Variants in CLPTM1L observed in about 807,000 individuals in gnomAD.
CLPTM1L encodes CLPTM1 like.
In CLPTM1L, 38 loss-of-function variants were observed where a neutral mutation model predicts 70.9. That is an observed-to-expected ratio of 0.54 (90% CI 0.41 to 0.70). The LOEUF (loss-of-function observed/expected upper bound fraction) is 0.70, where lower values mean the gene tolerates loss of function less well. Ranked by LOEUF, CLPTM1L falls within the 30% of genes least tolerant of loss-of-function variation. The pLI is 0.00. For missense variants in CLPTM1L, 652 were observed against 705.9 expected (o/e 0.92, Z 0.87); for synonymous variants, 339 against 299.9 (o/e 1.13, Z -1.35).
chr5:1,344,669 C>T lies in CLPTM1L; in HGVS notation c.162+11G>A. On this transcript the variant is annotated intron_variant, in intron 1 of 16. Transcript: ENST00000320895. Reference sequence around the variant, plus strand: ...CCAACCCGCCCGGCCCCCGGCCCCGCGGACGCTCACCTGCAGCTTGGGCCG... The same window carrying T: ...CCAACCCGCCCGGCCCCCGGCCCCGTGGACGCTCACCTGCAGCTTGGGCCG... 1 of 1,548,414 alleles carries T rather than the reference C, an allele frequency of 6.5e-7. No individual in the cohort carries two copies. Among genetic ancestry groups the T allele is most frequent in the Non-Finnish European group, 8.7e-7 (1 of 1,146,484 alleles).
chr5:1,331,478 A>T (rs1753084732), intron 8 of CLPTM1L: 2 of 428,312 alleles, frequency 4.7e-6, no homozygotes, highest in Non-Finnish European at 8.5e-6. Flanking sequence ...GCCCATGAGC[A>T]GCCGGGAAGG....
At chr5:1,330,404 C>G (rs1480079834) in intron 8 of CLPTM1L, 21 bp from the exon 9 acceptor site, 1 of 1,606,028 alleles carries the variant, frequency 6.2e-7, no homozygotes, top group African/African-American at 1.3e-5. Context: ...GATGGTCGGG[C>G]TGGGAGGGGG....
At chr5:1,334,526 G>A (rs1753431478) in intron 6 of CLPTM1L, 143 bp from the exon 7 acceptor site, 4 of 606,418 alleles carry the variant, frequency 6.6e-6, no homozygotes, top group Non-Finnish European at 8.7e-6. Context: ...ATCTCAGGCA[G>A]GCAGATCACT....
chr5:1,322,957 A>T (rs746677864), intron 12 of CLPTM1L, 46 bp from the exon 13 acceptor site: 25 of 1,534,438 alleles, frequency 1.6e-5, no homozygotes, highest in Admixed American at 3.3e-5. Flanking sequence ...GCATAGCTTA[A>T]TATCTGTATT....
At chr5:1,333,630 T>C (rs1753318018) in intron 7 of CLPTM1L, among the ~76,000 whole-genome samples, 8 of 113,192 alleles carry the variant, frequency 7.1e-5, no homozygotes, top group Admixed American at 2.6e-4. Context: ...ACACACCAGA[T>C]GAGGATAAGG....
chr5:1,321,233 A>AG (rs1439709624), intron 15 of CLPTM1L, among the ~76,000 whole-genome samples: 4 of 152,256 alleles, frequency 2.6e-5, no homozygotes, highest in Non-Finnish European at 5.9e-5. Flanking sequence ...CACGGAGCCA[A>AG]GGGGGCCTCC....
At chr5:1,335,869 C>T (rs1011113334) in intron 5 of CLPTM1L, among the ~76,000 whole-genome samples, 1 of 152,220 alleles carries the variant, frequency 6.6e-6, no homozygotes, top group African/African-American at 2.4e-5. Context: ...TGACCACACC[C>T]GGTGAGCACC....
chr5:1,340,681 G>A (rs1753883644), intron 3 of CLPTM1L, among the ~76,000 whole-genome samples: 1 of 152,194 alleles, frequency 6.6e-6, no homozygotes, highest in Non-Finnish European at 1.5e-5. Flanking sequence ...GCAGGAGCAG[G>A]TGTTGGTAGG....
chr5:1,320,244 A>T (rs1173812251), intron 16 of CLPTM1L: 1 of 168,062 alleles, frequency 6.0e-6, no homozygotes, highest in Non-Finnish European at 1.3e-5. Flanking sequence ...CTGGCTGGAC[A>T]CTTCGAGGCT....
Position 1,344,852 on chromosome 5 carries a change from C to T in CLPTM1L, c.-11G>A, listed in dbSNP as rs1452847463. The T allele has an allele frequency of 6.2e-6, 9 of 1,456,922 alleles. No homozygotes were observed. In the East Asian group the frequency reaches 2.7e-4, roughly 44 times the overall value. 90.2% of individuals were successfully genotyped at this position (1,456,922 alleles called of 1,614,324 possible). A position where few individuals can be genotyped will look rare whatever the true frequency, so the allele number is the denominator to read the frequency against. On this transcript the variant is annotated 5_prime_UTR_variant, in exon 1 of 17. Coordinates refer to ENST00000320895, the MANE Select transcript of CLPTM1L (RefSeq NM_030782.5). ...GCGGCCGCTCCACATGGCGGCCCCG[C>T]GCCCGGCGCCCCCGGCCCGCCCGCC...
chr5:1,319,028 A>G (rs965982827), intron 16 of CLPTM1L, among the ~76,000 whole-genome samples: 1 of 152,200 alleles, frequency 6.6e-6, no homozygotes, highest in Non-Finnish European at 1.5e-5. Flanking sequence ...TCCTGGCCAA[A>G]CACCGTTTGC....
intron 9 of CLPTM1L, among the ~76,000 whole-genome samples, chr5:1,327,090 C>T (rs561257812): frequency 3.3e-5 from 5 of 151,226 alleles, no homozygotes; most frequent in Non-Finnish European, 7.4e-5. Context: ...ACATTCCACC[C>T]AGCTCCTCCT....
chr5:1,321,112 C>A (rs912231124), intron 15 of CLPTM1L, among the ~76,000 whole-genome samples: 7 of 152,222 alleles, frequency 4.6e-5, no homozygotes, highest in Non-Finnish European at 1.0e-4. Context: ...AAGGGCAGAG[C>A]CACCTGAGCA....
intron 9 of CLPTM1L, among the ~76,000 whole-genome samples, chr5:1,327,055 T>G (rs1313709308): frequency 6.7e-6 from 1 of 149,226 alleles, no homozygotes; most frequent in Non-Finnish European, 1.5e-5. Flanking sequence ...ACAGGGACAT[T>G]CCACCCAGCT....
At chr5:1,338,740 G>A in intron 4 of CLPTM1L, 120 bp downstream of exon 4, 1 of 1,152,680 alleles carries the variant, frequency 8.7e-7, no homozygotes, top group Non-Finnish European at 1.2e-6. Context: ...GGAGGCCCGG[G>A]CAGCAAGTGC....
intron 15 of CLPTM1L, 33 bp from the exon 16 acceptor site, chr5:1,320,764 A>G: frequency 7.7e-7 from 1 of 1,296,472 alleles, no homozygotes; most frequent in South Asian, 1.3e-5. Flanking sequence ...GGTGAACCCC[A>G]GTTGCTGGGG....
intron 7 of CLPTM1L, chr5:1,332,138 GC>G: frequency 2.0e-6 from 1 of 494,202 alleles, no homozygotes; most frequent in Non-Finnish European, 3.7e-6. Flanking sequence ...TGCTGGAAAG[GC>G]CCCCAGGCAA....
chr5:1,321,833 G>A lies in CLPTM1L; in HGVS notation c.1316-14C>T. The stretch of plus-strand genomic sequence containing the variant: ...AGGCATAGACCCCTGCAGAAAGACA[G>A]ACAGCACTCACGAGGTGCGGAGGGC... On this transcript the variant is annotated splice_polypyrimidine_tract_variant and intron_variant, in intron 13 of 16. Coordinates refer to ENST00000320895, the MANE Select transcript of CLPTM1L (RefSeq NM_030782.5). 6.2e-7 allele frequency: 1 copy of A among 1,612,706 alleles called. No homozygotes were observed. Among genetic ancestry groups the A allele is most frequent in the Non-Finnish European group, 8.5e-7 (1 of 1,179,302 alleles).
chr5:1,336,924 G>T (rs1011834438), intron 5 of CLPTM1L, among the ~76,000 whole-genome samples: 14 of 152,156 alleles, frequency 9.2e-5, no homozygotes, highest in Non-Finnish European at 2.1e-4. Flanking sequence ...CCAGGTGCTC[G>T]CTTCTCCGTT....
Sources: allele counts gnomAD v4.1 joint callset (sites outside exome capture counted in the v4.1 genomes callset), GRCh38; gene constraint gnomAD v4.1.1; transcripts MANE v1.5; gene names NCBI Gene and HGNC (gene_info 2026-07-23, HGNC 2026-07-21).